The following VPS50 variants were observed in gnomAD, a reference collection of about 807,000 sequenced individuals.
VPS50 encodes the protein syndetin.
A neutral mutation model predicts 139.7 loss-of-function variants in VPS50; 70 were observed. That is an observed-to-expected ratio of 0.50 (90% CI 0.41 to 0.61). The LOEUF (loss-of-function observed/expected upper bound fraction) is 0.61, where lower values mean the gene tolerates loss of function less well. Among genes scored for constraint, VPS50 ranks in the 20% least tolerant of loss-of-function variants. The probability of loss-of-function intolerance (pLI) is 0.00; values close to 1 mark genes in which losing one functional copy is unlikely to be tolerated. For missense variants in VPS50, 921 were observed against 1,133.7 expected (o/e 0.81, Z 2.69); for synonymous variants, 365 against 376.7 (o/e 0.97, Z 0.36).
chr7:93,307,569 A>G (rs1240473362), intron 18 of VPS50, among the ~76,000 whole-genome samples: 1 of 151,968 alleles, frequency 6.6e-6, no homozygotes. Flanking sequence ...CTCCAAAAAT[A>G]TCAGAAGTAT....
At chr7:93,318,541 A>G (rs888788286) in intron 20 of VPS50, among the ~76,000 whole-genome samples, 2 of 152,214 alleles carry the variant, frequency 1.3e-5, no homozygotes, top group African/African-American at 4.8e-5. Context: ...AATAATGAAT[A>G]TTCTTCCAAC....
intron 20 of VPS50, chr7:93,323,264 ATGT>A (rs1797671430): frequency 6.6e-6 from 1 of 152,342 alleles, no homozygotes; most frequent in Non-Finnish European, 1.5e-5. Flanking sequence ...AAGAGAACCA[ATGT>A]TGTTTGTTTG....
At chr7:93,272,783 T>C (rs371678162) in intron 11 of VPS50, 50 bp downstream of exon 11, 1 of 831,588 alleles carries the variant, frequency 1.2e-6, no homozygotes, top group East Asian at 2.6e-5. Flanking sequence ...GAATTTGTTG[T>C]CCTTCATGAT....
chr7:93,312,415 A>G (rs1797296071), intron 20 of VPS50, among the ~76,000 whole-genome samples: 1 of 152,152 alleles, frequency 6.6e-6, no homozygotes, highest in East Asian at 1.9e-4. Context: ...CATACATGGT[A>G]GCTGTCTAGC....
chr7:93,331,863 T>TA (rs1474714676), intron 21 of VPS50, among the ~76,000 whole-genome samples: 1 of 152,184 alleles, frequency 6.6e-6, no homozygotes, highest in Non-Finnish European at 1.5e-5. Context: ...AAACAACTCT[T>TA]ATAACTCAAT....
At chr7:93,303,408 T>G (rs1687458110) in intron 16 of VPS50, 52 bp from the exon 17 acceptor site, 1 of 724,424 alleles carries the variant, frequency 1.4e-6, no homozygotes, top group South Asian at 1.8e-5. Context: ...AATTCTTGTG[T>G]GCGGTGTACT....
chr7:93,268,830 A>G (rs1253127356), intron 9 of VPS50, among the ~76,000 whole-genome samples: 1 of 152,190 alleles, frequency 6.6e-6, no homozygotes, highest in African/African-American at 2.4e-5. Flanking sequence ...ATACACGTGC[A>G]TGTATCTTTA....
chr7:93,261,113 A>C lies in VPS50; in HGVS notation c.659+1481A>C, dbSNP rs115662472. ...TTTAGTGTGTTGAATGTATTTAGAG[A>C]TTTCCAACAAGCCATTCTGGGTCCT... On this transcript the variant is annotated intron_variant, in intron 9 of 27. Transcript: ENST00000305866. Among the ~76,000 whole-genome samples the C allele has an allele frequency of 9.7e-3, 1,478 of 152,262 alleles. 29 individuals are homozygous for C. Among genetic ancestry groups the C allele is most frequent in the African/African-American group, 0.034 (1,396 of 41,530 alleles).
rs2117104751 is a variant in VPS50 at position 93,359,599 on chromosome 7, AGC to A, written c.*1164_*1165del. 6.6e-6 allele frequency: 1 copy of A among 152,172 alleles called. No homozygotes were observed. The highest frequency in any genetic ancestry group is 2.1e-4 in the South Asian group (1 of 4,816). The allele number at this position is 152,172 out of a possible 1,614,324, so 9.4% of individuals were successfully genotyped here. A position where few individuals can be genotyped will look rare whatever the true frequency, so the allele number is the denominator to read the frequency against. Reference sequence around the variant, plus strand: ...CTGACTGGAGAGTGGAGGACATCTAAGCTTGTGTGGCATTGGTCCAATGATTG... The same window carrying A: ...CTGACTGGAGAGTGGAGGACATCTAATTGTGTGGCATTGGTCCAATGATTG... On this transcript the variant is annotated 3_prime_UTR_variant, in exon 28 of 28. Coordinates refer to ENST00000305866, the MANE Select transcript of VPS50 (RefSeq NM_017667.4).
At chr7:93,238,802 A>G (rs1269993502) in intron 1 of VPS50, among the ~76,000 whole-genome samples, 1 of 152,146 alleles carries the variant, frequency 6.6e-6, no homozygotes, top group East Asian at 1.9e-4. Context: ...GATAATTCTG[A>G]AAGTGATGTA....
intron 2 of VPS50, among the ~76,000 whole-genome samples, chr7:93,245,562 G>A (rs1584381179): frequency 6.6e-6 from 1 of 151,932 alleles, no homozygotes; most frequent in South Asian, 2.1e-4. Context: ...GAAAGGACAG[G>A]CATGTGACAC....
In VPS50 at chr7:93,338,908, C is replaced by T. The variant is rs560833346; in HGVS notation, c.2059-2519C>T. On this transcript the variant is annotated intron_variant, in intron 22 of 27. Transcript: ENST00000305866. Reference sequence around the variant, plus strand: ...TAGTCCAGTCAAGACTGCTAAGGAGCCTGTGACCTGTTTAAATAGTAACAT... The same window carrying T: ...TAGTCCAGTCAAGACTGCTAAGGAGTCTGTGACCTGTTTAAATAGTAACAT... Among the ~76,000 whole-genome samples the T allele has an allele frequency of 4.6e-5, 7 of 152,166 alleles. 1 individual carries two copies. In the South Asian group the frequency reaches 1.5e-3, roughly 32 times the overall value.
intron 9 of VPS50, among the ~76,000 whole-genome samples, chr7:93,263,683 A>G (rs1449899234): frequency 6.6e-6 from 1 of 152,218 alleles, no homozygotes; most frequent in Non-Finnish European, 1.5e-5. Flanking sequence ...AACAATTTAC[A>G]TATTTGCTTC....
At chr7:93,301,757 G>A in intron 16 of VPS50, among the ~76,000 whole-genome samples, 1 of 152,158 alleles carries the variant, frequency 6.6e-6, no homozygotes, top group Non-Finnish European at 1.5e-5. Context: ...ATTTGTTATA[G>A]CAGCCATAGG....
At chr7:93,297,302 A>C in intron 16 of VPS50, 59 bp downstream of exon 16, 2 of 1,403,986 alleles carry the variant, frequency 1.4e-6, no homozygotes, top group Non-Finnish European at 1.9e-6. Flanking sequence ...ACTTTTGTCT[A>C]ATACTTAATC....
chr7:93,347,816 G>T (rs1201555382), intron 23 of VPS50, among the ~76,000 whole-genome samples: 2 of 125,992 alleles, frequency 1.6e-5, no homozygotes, highest in African/African-American at 5.9e-5. Flanking sequence ...TCACACTCTG[G>T]GGACTGTTGT....
intron 9 of VPS50, among the ~76,000 whole-genome samples, chr7:93,266,195 T>C (rs1795839721): frequency 6.6e-6 from 1 of 152,200 alleles, no homozygotes; most frequent in Non-Finnish European, 1.5e-5. Context: ...TTAAGCTCAT[T>C]CTAAAAGTTT....
Position 93,236,937 on chromosome 7 carries a change from CTTTTTTTTTTTTTTT to C in VPS50, c.34-2911_34-2897del, listed in dbSNP as rs71107889. On this transcript the variant is annotated intron_variant, in intron 1 of 27. Coordinates refer to ENST00000305866, the MANE Select transcript of VPS50 (RefSeq NM_017667.4). ...CTCACATACATGACCTCTTTTACTT[CTTTTTTTTTTTTTTT>C]TTTTTTTTTTTTTTTTTCGAGACAG... 1.7e-3 allele frequency among the ~76,000 whole-genome samples: 53 copies of C among 31,068 alleles called. 2 individuals carry two copies. In the South Asian group the frequency reaches 0.047, roughly 28 times the overall value. The allele number at this position is 31,068 out of a possible 152,430, so 20.4% of individuals were successfully genotyped here.
chr7:93,306,972 T>C (rs1797134341), intron 18 of VPS50, among the ~76,000 whole-genome samples: 1 of 151,912 alleles, frequency 6.6e-6, no homozygotes. Flanking sequence ...ATTTTGCCTC[T>C]GTGAAGTTGG....
Sources: gnomAD v4.1 joint callset for allele counts (sites outside exome capture counted in the v4.1 genomes callset) on GRCh38, gnomAD v4.1.1 for gene constraint, MANE v1.5 for transcripts, NCBI Gene and HGNC (gene_info 2026-07-23, HGNC 2026-07-21) for gene names.